The following STPG2 variants were observed in gnomAD, a reference collection of about 807,000 sequenced individuals.
The protein encoded by STPG2 is sperm tail PG-rich repeat containing 2, also known as sperm-tail PG-rich repeat-containing protein 2.
A neutral mutation model predicts 54.2 loss-of-function variants in STPG2; 56 were observed. That is an observed-to-expected ratio of 1.03 (90% CI 0.83 to 1.29). The LOEUF is 1.29. Among genes scored for constraint, STPG2 ranks in the 50% most tolerant of loss-of-function variants. The pLI is 0.00. For synonymous variants in STPG2, 200 were observed against 181.8 expected (o/e 1.10, Z -0.81); for missense variants, 596 against 544.9 (o/e 1.09, Z -0.93).
chr4:98,140,242 G>A (rs1740243688), intron 1 of STPG2, among the ~76,000 whole-genome samples: 1 of 152,200 alleles, frequency 6.6e-6, no homozygotes, highest in African/African-American at 2.4e-5. Context: ...TTGCTGAAAT[G>A]TAGGTCAGGT....
intron 8 of STPG2, among the ~76,000 whole-genome samples, chr4:97,924,977 C>T (rs1392669303): frequency 6.6e-6 from 1 of 152,162 alleles, no homozygotes; most frequent in African/African-American, 2.4e-5. Flanking sequence ...GAATATGAAT[C>T]ATTTGTTGTT....
At chr4:98,012,428 T>C (rs1004453352) in intron 5 of STPG2, among the ~76,000 whole-genome samples, 2 of 152,232 alleles carry the variant, frequency 1.3e-5, no homozygotes, top group Non-Finnish European at 2.9e-5. Context: ...GTCTTGGCTA[T>C]ACCAGCTCTT....
intron 4 of STPG2, among the ~76,000 whole-genome samples, chr4:97,504,917 T>C (rs1041759905): frequency 1.1e-4 from 16 of 152,002 alleles, no homozygotes; most frequent in African/African-American, 3.9e-4. Flanking sequence ...GTTGTCACCA[T>C]GGTACAGACA....
chr4:97,775,327 C>T (rs1726343322), intron 9 of STPG2, among the ~76,000 whole-genome samples: 1 of 152,076 alleles, frequency 6.6e-6, no homozygotes, highest in Admixed American at 6.6e-5. Context: ...CATATGTATA[C>T]ATGTGCCATG....
intron 3 of STPG2, among the ~76,000 whole-genome samples, chr4:98,117,331 CTT>C (rs56207942): frequency 5.9e-5 from 9 of 151,884 alleles, no homozygotes; most frequent in Admixed American, 1.3e-4. Context: ...TCACTTTTTT[CTT>C]GCTGCCCTCA....
chr4:97,482,572 A>C (rs1442709401), intron 4 of STPG2, among the ~76,000 whole-genome samples: 1 of 151,698 alleles, frequency 6.6e-6, no homozygotes, highest in South Asian at 2.1e-4. Context: ...TTAAACAACC[A>C]AACTAAGAAT....
chr4:97,863,007 A>C (rs1310346655), intron 8 of STPG2, among the ~76,000 whole-genome samples: 1 of 152,216 alleles, frequency 6.6e-6, no homozygotes, highest in Non-Finnish European at 1.5e-5. Context: ...AAGATCTAAA[A>C]TTGACACCCT....
intron 4 of STPG2, among the ~76,000 whole-genome samples, chr4:97,462,621 T>C (rs1445476014): frequency 1.1e-4 from 16 of 152,190 alleles, no homozygotes. Flanking sequence ...CTTGTGCATC[T>C]TTTGTTAGTT....
At chr4:97,697,188 C>T (rs1723604607) in intron 10 of STPG2, among the ~76,000 whole-genome samples, 1 of 152,136 alleles carries the variant, frequency 6.6e-6, no homozygotes, top group Non-Finnish European at 1.5e-5. Context: ...ATAGTGGCAC[C>T]TCAACCTCAA....
At chr4:97,601,858 A>G (rs547630802) in intron 10 of STPG2, among the ~76,000 whole-genome samples, 1 of 151,992 alleles carries the variant, frequency 6.6e-6, no homozygotes, top group South Asian at 2.1e-4. Flanking sequence ...TTAGTTACTA[A>G]ATTTATAGAT....
At chr4:97,680,267 T>C (rs1393675142) in intron 10 of STPG2, among the ~76,000 whole-genome samples, 2 of 151,900 alleles carry the variant, frequency 1.3e-5, no homozygotes, top group Non-Finnish European at 2.9e-5. Context: ...GAGCATGGAA[T>C]GTTCTTCCAT....
chr4:97,956,205 TA>T (rs1733666488), intron 7 of STPG2, among the ~76,000 whole-genome samples: 1 of 152,150 alleles, frequency 6.6e-6, no homozygotes, highest in African/African-American at 2.4e-5. Context: ...GAGAAAGTGG[TA>T]AAGGTCATCC....
intron 9 of STPG2, among the ~76,000 whole-genome samples, chr4:97,730,677 C>G (rs747343298): frequency 6.6e-6 from 1 of 152,152 alleles, no homozygotes; most frequent in Non-Finnish European, 1.5e-5. Flanking sequence ...GGTTTGGTCT[C>G]TTTACAAAAT....
chr4:97,686,398 T>A (rs1357137109), intron 10 of STPG2, among the ~76,000 whole-genome samples: 1 of 152,158 alleles, frequency 6.6e-6, no homozygotes, highest in East Asian at 1.9e-4. Context: ...CTCAGCCTAA[T>A]CTTGGATGTT....
chr4:97,738,424 A>T (rs1725097754), intron 9 of STPG2, among the ~76,000 whole-genome samples: 1 of 152,206 alleles, frequency 6.6e-6, no homozygotes, highest in Non-Finnish European at 1.5e-5. Context: ...GGCAAATTGG[A>T]TAAAGAGTCA....
intron 5 of STPG2, among the ~76,000 whole-genome samples, chr4:98,043,748 T>C (rs1737036046): frequency 6.6e-6 from 1 of 152,186 alleles, no homozygotes; most frequent in Admixed American, 6.6e-5. Flanking sequence ...TTGTCTAAAT[T>C]CTTTTATGAA....
At position 97,732,429 on chromosome 4, in the gene STPG2, T is replaced by C. The variant is rs866382053; in HGVS notation, c.1205-19615A>G. On this transcript the variant is annotated intron_variant, in intron 9 of 10. Coordinates refer to ENST00000295268, the MANE Select transcript of STPG2 (RefSeq NM_174952.3). The stretch of plus-strand genomic sequence containing the variant: ...GCTTGCCAGTTTTCCCAGCACACCA[T>C]TTATTAAATAGGGTGTCCATTCCCC... Among the ~76,000 whole-genome samples, 16 of 152,314 alleles carry C rather than the reference T, an allele frequency of 1.1e-4. No homozygotes were observed. The South Asian group carries it at 1.9e-3, about 18-fold the overall frequency.
intron 4 of STPG2, among the ~76,000 whole-genome samples, chr4:97,493,254 C>G (rs975139091): frequency 6.6e-6 from 1 of 151,178 alleles, no homozygotes; most frequent in African/African-American, 2.4e-5. Context: ...AAAACAGAAC[C>G]CAGCCCAGCC....
chr4:97,553,608 C>G (rs566539027), intron 4 of STPG2, among the ~76,000 whole-genome samples: 2 of 152,276 alleles, frequency 1.3e-5, no homozygotes, highest in East Asian at 1.9e-4. Flanking sequence ...TTGAAAAGAA[C>G]AGAGGACTGG....
Sources: allele counts gnomAD v4.1 joint callset (sites outside exome capture counted in the v4.1 genomes callset), GRCh38; gene constraint gnomAD v4.1.1; transcripts MANE v1.5; gene names NCBI Gene and HGNC (gene_info 2026-07-23, HGNC 2026-07-21).